NAALADL2: variants seen among roughly 807,000 people sequenced by gnomAD.
NAALADL2 encodes the protein inactive N-acetylated-alpha-linked acidic dipeptidase-like protein 2.
A neutral mutation model predicts 87.2 loss-of-function variants in NAALADL2; 76 were observed. The observed-to-expected ratio is 0.87, with a 90% confidence interval of 0.72 to 1.05. The LOEUF (loss-of-function observed/expected upper bound fraction) is 1.05, where lower values mean the gene tolerates loss of function less well. NAALADL2 is among the 50% of genes least tolerant of loss of function. The pLI, the probability that NAALADL2 is intolerant of heterozygous loss-of-function variation, is 0.00. For synonymous variants in NAALADL2, 354 were observed against 331.0 expected (o/e 1.07, Z -0.75); for missense variants, 1,089 against 945.8 (o/e 1.15, Z -1.99).
At chr3:175,055,044 T>C (rs1462754711) in intron 1 of NAALADL2, among the ~76,000 whole-genome samples, 1 of 152,196 alleles carries the variant, frequency 6.6e-6, no homozygotes, top group Non-Finnish European at 1.5e-5. Flanking sequence ...GGATAGCCAG[T>C]GCTGTAGAGA....
chr3:174,507,594 C>T (rs1295691476), intron 1 of NAALADL2, among the ~76,000 whole-genome samples: 1 of 151,810 alleles, frequency 6.6e-6, no homozygotes, highest in Non-Finnish European at 1.5e-5. Flanking sequence ...TTGCTGAACT[C>T]TGGCAACTAT....
chr3:175,776,971 A>G (rs1750331759), intron 13 of NAALADL2, among the ~76,000 whole-genome samples: 2 of 151,970 alleles, frequency 1.3e-5, no homozygotes, highest in African/African-American at 4.8e-5. Context: ...ATCTATAATA[A>G]ACTGACTACA....
At chr3:175,387,079 T>TA in intron 5 of NAALADL2, among the ~76,000 whole-genome samples, 1 of 152,262 alleles carries the variant, frequency 6.6e-6, no homozygotes, top group Middle Eastern at 3.4e-3. Flanking sequence ...AATTTTTTTT[T>TA]ACTACTTTTG....
intron 13 of NAALADL2, among the ~76,000 whole-genome samples, chr3:175,776,782 G>A (rs905685851): frequency 3.3e-5 from 5 of 152,038 alleles, no homozygotes; most frequent in Admixed American, 6.6e-5. Context: ...GGATAAGAAG[G>A]GAATAGAGTC....
chr3:174,778,929 C>T (rs962380205), intron 3 of NAALADL2, among the ~76,000 whole-genome samples: 1 of 152,126 alleles, frequency 6.6e-6, no homozygotes, highest in African/African-American at 2.4e-5. Flanking sequence ...AACAGTGCCA[C>T]AGTAAACATA....
chr3:174,548,545 A>T (rs1010864825), intron 1 of NAALADL2, among the ~76,000 whole-genome samples: 4 of 152,164 alleles, frequency 2.6e-5, no homozygotes, highest in Non-Finnish European at 5.9e-5. Context: ...CTTTAAAAAC[A>T]GACAGAAAAA....
intron 5 of NAALADL2, among the ~76,000 whole-genome samples, chr3:175,414,493 T>C (rs1714217514): frequency 6.7e-6 from 1 of 148,724 alleles, no homozygotes; most frequent in Non-Finnish European, 1.5e-5. Flanking sequence ...TTTGTTTTTC[T>C]GAACAACAAA....
At chr3:175,797,184 C>G (rs1246895946) in intron 13 of NAALADL2, among the ~76,000 whole-genome samples, 3 of 151,916 alleles carry the variant, frequency 2.0e-5, no homozygotes, top group African/African-American at 7.3e-5. Context: ...TTAGTAGTCT[C>G]TTTATGTTGT....
chr3:174,644,419 C>CA (rs1723568390), intron 2 of NAALADL2, among the ~76,000 whole-genome samples: 1 of 152,136 alleles, frequency 6.6e-6, no homozygotes, highest in South Asian at 2.1e-4. Context: ...ATCACCTACT[C>CA]ATTGTTTTCA....
At chr3:174,869,195 G>T (rs183624714) in intron 1 of NAALADL2, among the ~76,000 whole-genome samples, 4 of 152,100 alleles carry the variant, frequency 2.6e-5, no homozygotes, top group Non-Finnish European at 5.9e-5. Flanking sequence ...CACTGGGAAT[G>T]AGGTGAAAAA....
intron 2 of NAALADL2, among the ~76,000 whole-genome samples, chr3:174,615,637 T>G (rs543681234): frequency 6.6e-6 from 1 of 152,160 alleles, no homozygotes; most frequent in South Asian, 2.1e-4. Context: ...GCAAAGTTTA[T>G]GTCACCTGAA....
intron 1 of NAALADL2, among the ~76,000 whole-genome samples, chr3:174,890,088 A>G (rs1730683972): frequency 6.6e-6 from 1 of 152,188 alleles, no homozygotes; most frequent in African/African-American, 2.4e-5. Flanking sequence ...TAATATCGGT[A>G]CCATCACTCT....
intron 2 of NAALADL2, among the ~76,000 whole-genome samples, chr3:175,169,369 A>C (rs1362413194): frequency 1.3e-5 from 2 of 151,438 alleles, no homozygotes; most frequent in Admixed American, 6.6e-5. Context: ...ACTAGCTATC[A>C]CTACAGGCAG....
chr3:174,963,371 A>T (rs1742403172), intron 1 of NAALADL2, among the ~76,000 whole-genome samples: 1 of 152,180 alleles, frequency 6.6e-6, no homozygotes, highest in South Asian at 2.1e-4. Context: ...ATATTGGCAT[A>T]AAAAATGTGA....
chr3:174,996,252 C>T (rs1747438003), intron 1 of NAALADL2, among the ~76,000 whole-genome samples: 1 of 152,024 alleles, frequency 6.6e-6, no homozygotes, highest in African/African-American at 2.4e-5. Context: ...AATCCCAGCA[C>T]TTTGGGAGGC....
At chr3:175,388,882 T>A (rs1465186255) in intron 5 of NAALADL2, among the ~76,000 whole-genome samples, 3 of 152,132 alleles carry the variant, frequency 2.0e-5, no homozygotes, top group African/African-American at 7.2e-5. Context: ...ATTCATCAAC[T>A]TATCTAAAGT....
At chr3:175,662,629 T>C (rs985028819) in intron 11 of NAALADL2, among the ~76,000 whole-genome samples, 12 of 151,762 alleles carry the variant, frequency 7.9e-5, no homozygotes, top group African/African-American at 2.7e-4. Context: ...TGTGGGCTTG[T>C]CACATACAGC....
intron 2 of NAALADL2, among the ~76,000 whole-genome samples, chr3:174,583,099 A>G (rs1716347913): frequency 1.3e-5 from 2 of 152,206 alleles, no homozygotes; most frequent in Admixed American, 1.3e-4. Context: ...AGAATAACTT[A>G]ATACAAGGTT....
At chr3:175,353,607 ATTG>A (rs1265182160) in intron 5 of NAALADL2, among the ~76,000 whole-genome samples, 1 of 152,172 alleles carries the variant, frequency 6.6e-6, no homozygotes, top group Admixed American at 6.5e-5. Flanking sequence ...TTTTCAGTGC[ATTG>A]TTGTTCTACT....
Sources: gnomAD v4.1 joint callset for allele counts (sites outside exome capture counted in the v4.1 genomes callset) on GRCh38, gnomAD v4.1.1 for gene constraint, MANE v1.5 for transcripts, NCBI Gene and HGNC (gene_info 2026-07-23, HGNC 2026-07-21) for gene names.